BET1: variants seen among roughly 807,000 people sequenced by gnomAD.
The protein encoded by BET1 is Bet1 golgi vesicular membrane trafficking protein.
In BET1, 9 loss-of-function variants were observed where a neutral mutation model predicts 13.9. That is an observed-to-expected ratio of 0.65 (90% CI 0.39 to 1.13). BET1 has a LOEUF of 1.13. Ranked by LOEUF, BET1 falls within the 50% of genes most tolerant of loss-of-function variation. The pLI is 0.01. For missense variants in BET1, 127 were observed against 133.6 expected (o/e 0.95, Z 0.24); for synonymous variants, 39 against 47.3 (o/e 0.82, Z 0.72).
Position 93,979,288 on chromosome 7 carries a change from G to A in BET1, c.236-3188C>T, listed in dbSNP as rs566100420. On this transcript the variant is annotated intron_variant and NMD_transcript_variant, in intron 4 of 6. Transcript: ENST00000357520. Reference sequence around the variant, plus strand: ...AAAAATAACCAATGTCTAACACACAGGCCTAGCTGTGCCACTGTTCAGTGC... The same window carrying A: ...AAAAATAACCAATGTCTAACACACAAGCCTAGCTGTGCCACTGTTCAGTGC... Among the ~76,000 whole-genome samples the A allele has an allele frequency of 1.8e-4, 28 of 152,222 alleles. No individual in the cohort carries two copies. The South Asian group carries it at 5.8e-3, about 32-fold the overall frequency.
intron 5 of BET1, chr7:93,972,689 AT>A (rs1277438632): frequency 2.0e-5 from 3 of 151,630 alleles, no homozygotes; most frequent in Admixed American, 6.6e-5. Flanking sequence ...ATTGAATATT[AT>A]TTTTTCCTAT....
At chr7:93,991,078 T>G (rs527555595), downstream of BET1, among the ~76,000 whole-genome samples, 4 of 152,198 alleles carry the variant, frequency 2.6e-5, no homozygotes, top group East Asian at 7.7e-4. Context: ...AGGATCCTGC[T>G]CTCCTGCTTG....
downstream of BET1, chr7:93,992,826 G>C (rs1795663989): frequency 1.1e-6 from 1 of 932,306 alleles, no homozygotes; most frequent in Admixed American, 6.2e-5. Context: ...AAAGCAGTGA[G>C]CAAGTTAAGG....
chr7:94,002,189 C>T lies in BET1; in HGVS notation c.19+2009G>A, dbSNP rs1435984807. 5.9e-5 allele frequency among the ~76,000 whole-genome samples: 9 copies of T among 152,150 alleles called. No individual in the cohort carries two copies. In the East Asian group the frequency reaches 1.2e-3, roughly 20 times the overall value. On this transcript the variant is annotated intron_variant, in intron 1 of 3. Coordinates refer to ENST00000222547, the MANE Select transcript of BET1 (RefSeq NM_005868.6). The stretch of plus-strand genomic sequence containing the variant: ...CTCAGCCTTTGTTTATTTAGATAAA[C>T]GCTACTTTTTTGGATAGGTTCTATC...
chr7:93,973,758 A>G (rs1204887930), intron 5 of BET1, among the ~76,000 whole-genome samples: 4 of 152,014 alleles, frequency 2.6e-5, no homozygotes, highest in Non-Finnish European at 5.9e-5. Flanking sequence ...CTGCATACAA[A>G]TACTGAATTA....
chr7:93,977,757 T>C (rs1392217047), intron 4 of BET1, among the ~76,000 whole-genome samples: 1 of 152,154 alleles, frequency 6.6e-6, no homozygotes, highest in Non-Finnish European at 1.5e-5. Context: ...ATTCTGCATG[T>C]TGTCCCAGAG....
exon 7 of BET1, chr7:93,964,438 T>C (rs1454102514): frequency 1.3e-5 from 2 of 152,102 alleles, no homozygotes; most frequent in Non-Finnish European, 2.9e-5. Context: ...CTGCAAAGGA[T>C]ATGATTTCAT....
chr7:93,993,149 AC>A, downstream of BET1: 1 of 984,724 alleles, frequency 1.0e-6, no homozygotes, highest in Non-Finnish European at 1.2e-6. Flanking sequence ...TTCCAACAAT[AC>A]AAATATTAAC....
chr7:93,965,120 T>G (rs1371401661), exon 7 of BET1: 1 of 152,114 alleles, frequency 6.6e-6, no homozygotes, highest in Non-Finnish European at 1.5e-5. Flanking sequence ...GCTGGTTGAC[T>G]GTGAATTATG....
At chr7:93,990,013 T>G (rs1244122664), downstream of BET1, among the ~76,000 whole-genome samples, 1 of 152,082 alleles carries the variant, frequency 6.6e-6, no homozygotes, top group East Asian at 1.9e-4. Context: ...TCATAACATA[T>G]TTGGACTCCT....
At chr7:93,974,537 C>G (rs916656492) in intron 5 of BET1, among the ~76,000 whole-genome samples, 2 of 151,776 alleles carry the variant, frequency 1.3e-5, no homozygotes, top group African/African-American at 4.8e-5. Context: ...ATGCCCAAAG[C>G]TAGAAAAATT....
At chr7:93,973,455 T>C (rs1562800251) in intron 5 of BET1, among the ~76,000 whole-genome samples, 1 of 151,950 alleles carries the variant, frequency 6.6e-6, no homozygotes, top group Non-Finnish European at 1.5e-5. Context: ...ACAAAGTGTA[T>C]ATTATTCCCA....
downstream of BET1, among the ~76,000 whole-genome samples, chr7:93,989,008 C>CTGT (rs999052624): frequency 4.7e-4 from 69 of 147,080 alleles, no homozygotes; most frequent in Middle Eastern, 7.3e-3. Flanking sequence ...TATATATATA[C>CTGT]TGTTGTTGTT....
chr7:94,002,669 T>C (rs1795936216), intron 1 of BET1, among the ~76,000 whole-genome samples: 2 of 152,128 alleles, frequency 1.3e-5, no homozygotes, highest in Non-Finnish European at 2.9e-5. Context: ...AGCAGGAAAA[T>C]ACTCAAAAGG....
In BET1 at chr7:93,983,283, G is replaced by T. The variant is rs147527100; in HGVS notation, c.236-7183C>A. On this transcript the variant is annotated intron_variant and NMD_transcript_variant, in intron 4 of 6. Coordinates refer to the BET1 transcript ENST00000357520. ...TCCCTTTCACTTCTTCATGGAGTAC[G>T]TCTCTATTAATTATTTCTTCATGCC... Among the ~76,000 whole-genome samples, 314 of 152,178 alleles carry T rather than the reference G, an allele frequency of 2.1e-3. 2 individuals are homozygous for T. Among genetic ancestry groups the T allele is most frequent in the African/African-American group, 7.3e-3 (303 of 41,530 alleles).
intron 1 of BET1, among the ~76,000 whole-genome samples, chr7:94,000,107 C>CTTT (rs11438992): frequency 2.1e-5 from 3 of 141,696 alleles, no homozygotes; most frequent in Non-Finnish European, 4.6e-5. Flanking sequence ...GTTAACTATA[C>CTTT]TTTTTTTTTT....
chr7:93,974,081 T>C (rs77146168), intron 5 of BET1, among the ~76,000 whole-genome samples: 4,597 of 151,952 alleles, frequency 0.03, 235 homozygotes, highest in African/African-American at 0.11. Flanking sequence ...TTGAAGAAAA[T>C]GAGAGTCAGT....
At chr7:93,987,907 C>T (rs974219219) in intron 4 of BET1, among the ~76,000 whole-genome samples, 2 of 152,008 alleles carry the variant, frequency 1.3e-5, no homozygotes, top group Non-Finnish European at 2.9e-5. Context: ...TTTAAAGTAG[C>T]GAAAATCATA....
At chr7:93,962,820 C>A (rs1795114432) in exon 7 of BET1, 1 of 151,654 alleles carries the variant, frequency 6.6e-6, no homozygotes, top group Admixed American at 6.6e-5. Flanking sequence ...GATACATTAT[C>A]TGAAATTCAA....
Sources: allele counts gnomAD v4.1 joint callset (sites outside exome capture counted in the v4.1 genomes callset), GRCh38; gene constraint gnomAD v4.1.1; transcripts MANE v1.5; gene names NCBI Gene and HGNC (gene_info 2026-07-23, HGNC 2026-07-21).